IST1: variants seen among roughly 807,000 people sequenced by gnomAD.
The protein encoded by IST1 is IST1 factor associated with ESCRT-III.
Under a neutral mutation model 37.0 loss-of-function variants are expected in IST1, and 23 were observed. That is an observed-to-expected ratio of 0.62 (90% CI 0.45 to 0.88). The LOEUF is 0.88. Among genes scored for constraint, IST1 ranks in the 40% least tolerant of loss-of-function variants. The pLI is 0.00. For missense variants in IST1, 488 were observed against 445.4 expected, an observed-to-expected ratio of 1.10 and a Z score of -0.86; for synonymous variants, 180 against 161.7, an observed-to-expected ratio of 1.11 and a Z score of -0.86.
In IST1 at chr16:71,929,992, G is replaced by A; in HGVS notation, c.*2179G>A. On this transcript the variant is annotated 3_prime_UTR_variant, in exon 10 of 10. Transcript: ENST00000378799. ...ATGTCAGCCCGTCATCTTAGGGGCA[G>A]TTACAGTGGAGCTTTCCCAGTGATA... 1 of 1,489,170 alleles carries A rather than the reference G, an allele frequency of 6.7e-7. No individual in the cohort carries two copies. The allele number at this position is 1,489,170 out of a possible 1,614,324, so 92.2% of individuals were successfully genotyped here.
At chr16:71,903,854 C>T (rs1243887222) in intron 1 of IST1, among the ~76,000 whole-genome samples, 2 of 152,154 alleles carry the variant, frequency 1.3e-5, no homozygotes, top group Non-Finnish European at 2.9e-5. Flanking sequence ...TGTTTGTGTT[C>T]TGTCTGCTAG....
intron 4 of IST1, among the ~76,000 whole-genome samples, chr16:71,917,524 G>C (rs2037490987): frequency 6.6e-6 from 1 of 152,122 alleles, no homozygotes; most frequent in Admixed American, 6.6e-5. Context: ...GTAAGTGCTG[G>C]GGGTAACAGT....
Position 71,915,724 on chromosome 16 carries a change from GAA to G in IST1, c.87_88del (p.Lys29AsnfsTer13). 1 of 1,599,108 alleles carries G rather than the reference GAA, an allele frequency of 6.3e-7. No homozygotes were observed. Among genetic ancestry groups the G allele is most frequent in the East Asian group, 2.2e-5 (1 of 44,804 alleles). ...ATCGCCTTAAACTATTGGAGAAAAA[GAA>G]AAGTGAGTAGTGTACTTTTTTTCCC... The part of the protein sequence containing the change: ...INRLKLLEKK[K>X]TELAQKARKE... On this transcript the variant is annotated frameshift_variant and splice_region_variant, in exon 2 of 10. Coordinates refer to ENST00000378799, the MANE Select transcript of IST1 (RefSeq NM_001270975.2). LOFTEE classifies it high-confidence loss of function.
At chr16:71,901,737 G>C (rs1393552943) in intron 1 of IST1, among the ~76,000 whole-genome samples, 2 of 152,126 alleles carry the variant, frequency 1.3e-5, no homozygotes, top group South Asian at 4.1e-4. Flanking sequence ...AACAAAACTA[G>C]ATTATGTAAA....
In IST1 at chr16:71,923,313, G is replaced by C. The variant is rs150346332; in HGVS notation, c.785G>C (p.Gly262Ala). Reference sequence around the variant, plus strand: ...TCAGATTTCAATGGACTGCCAATGGGGACTTATCAGGCCTTTCCCAATATT... The same window carrying C: ...TCAGATTTCAATGGACTGCCAATGGCGACTTATCAGGCCTTTCCCAATATT... ...GPSDFNGLPM[G>A]TYQAFPNIHP... Residue 262 changes from glycine to alanine, a missense_variant, in exon 8 of 10, where the codon GGG becomes GCG. By Grantham distance (60) the Gly-to-Ala change is moderately conservative. Transcript: ENST00000378799. 6.0e-4 allele frequency: 960 copies of C among 1,611,252 alleles called. No individual in the cohort carries two copies. The highest frequency in any genetic ancestry group is 7.5e-4 in the Non-Finnish European group (885 of 1,177,884).
chr16:71,927,846 G>T lies in IST1; in HGVS notation c.*33G>T, dbSNP rs2037787566. Reference sequence around the variant, plus strand: ...AAACCAGGCAACTTTCACGTTTTGGGAGTTGAGACTGAGCAATTTCTCCTT... The same window carrying T: ...AAACCAGGCAACTTTCACGTTTTGGTAGTTGAGACTGAGCAATTTCTCCTT... On this transcript the variant is annotated 3_prime_UTR_variant, in exon 10 of 10. Transcript: ENST00000378799. 5 of 1,468,972 alleles carry T rather than the reference G, an allele frequency of 3.4e-6. No individual in the cohort carries two copies. The East Asian group carries it at 9.0e-5, about 27-fold the overall frequency. The allele number at this position is 1,468,972 out of a possible 1,614,324, so 91.0% of individuals were successfully genotyped here.
At chr16:71,922,777 C>T (rs1458608492) in intron 7 of IST1, 97 bp downstream of exon 7, 2 of 985,180 alleles carry the variant, frequency 2.0e-6, no homozygotes, top group African/African-American at 1.6e-5. Flanking sequence ...TGTCAGGAGC[C>T]ATTAGCAGTA....
intron 1 of IST1, among the ~76,000 whole-genome samples, chr16:71,900,526 G>C (rs1459657256): frequency 2.0e-5 from 3 of 151,924 alleles, no homozygotes; most frequent in African/African-American, 7.3e-5. Context: ...ACTAGCTCGC[G>C]AAGTCTCAGC....
chr16:71,923,726 CAT>C (rs1478108704), intron 8 of IST1, among the ~76,000 whole-genome samples: 1 of 152,152 alleles, frequency 6.6e-6, no homozygotes, highest in African/African-American at 2.4e-5. Flanking sequence ...GCTAAAGTAT[CAT>C]AATTATTAAA....
intron 1 of IST1, among the ~76,000 whole-genome samples, chr16:71,912,263 A>T (rs532432483): frequency 3.7e-4 from 56 of 151,680 alleles, no homozygotes; most frequent in Non-Finnish European, 5.6e-4. Flanking sequence ...TTTGAGACGG[A>T]ATCTCGCTCT....
At position 71,924,797 on chromosome 16, in the gene IST1, TC is replaced by T; in HGVS notation, c.882del (p.Ser295LeufsTer68). The T allele has an allele frequency of 6.2e-7, 1 of 1,610,156 alleles. No individual in the cohort carries two copies. The highest frequency in any genetic ancestry group is 8.5e-7 in the Non-Finnish European group (1 of 1,176,334). On this transcript the variant is annotated frameshift_variant, in exon 9 of 10. Transcript: ENST00000378799. LOFTEE classifies it high-confidence loss of function. Reference protein sequence around the residue: ...SVDDINADKNISSAQIVGPGP... With the variant: ...SVDDINADKNXSSAQIVGPGP... Reference sequence around the variant, plus strand: ...GATGACATTAATGCTGATAAGAATATCTCTTCTGCACAGATTGTTGGTGAGT... The same window carrying T: ...GATGACATTAATGCTGATAAGAATATTCTTCTGCACAGATTGTTGGTGAGT...
At position 71,923,321 on chromosome 16, in the gene IST1, C is replaced by T. The variant is rs755933219; in HGVS notation, c.793C>T (p.Gln265Ter). ...CAATGGACTGCCAATGGGGACTTAT[C>T]AGGCCTTTCCCAATATTCATCCACC... ...DFNGLPMGTY[Q>*]AFPNIHPPQI... Residue 265 changes from glutamine to a stop codon, truncating the protein, a stop_gained, in exon 8 of 10, where the codon CAG (glutamine) becomes TAG (stop). Transcript: ENST00000378799. LOFTEE classifies it high-confidence loss of function. 2 of 1,612,418 alleles carry T rather than the reference C, an allele frequency of 1.2e-6. No individual in the cohort carries two copies. Among genetic ancestry groups the T allele is most frequent in the African/African-American group, 1.3e-5 (1 of 75,010 alleles).
intron 8 of IST1, among the ~76,000 whole-genome samples, chr16:71,923,703 A>C (rs753802983): frequency 5.3e-5 from 8 of 152,218 alleles, no homozygotes; most frequent in Admixed American, 1.3e-4. Flanking sequence ...CACTGAGCTG[A>C]TACAATCGTG....
chr16:71,927,568 G>A lies in IST1; in HGVS notation c.902-46G>A, dbSNP rs759735068. The A allele has an allele frequency of 3.3e-5, 44 of 1,314,198 alleles. 1 individual carries two copies. In the South Asian group the frequency reaches 5.1e-4, roughly 15 times the overall value. 81.4% of individuals were successfully genotyped at this position (1,314,198 alleles called of 1,614,324 possible). A position where few individuals can be genotyped will look rare whatever the true frequency, so the allele number is the denominator to read the frequency against. On this transcript the variant is annotated intron_variant, in intron 9 of 9. Coordinates refer to ENST00000378799, the MANE Select transcript of IST1 (RefSeq NM_001270975.2). ...ATTTTTACTGCCAAAGGGGATCTGAGTCATTTCTCTGGTATTTGTAACGTT... is the reference window on the plus strand; with the variant it reads ...ATTTTTACTGCCAAAGGGGATCTGAATCATTTCTCTGGTATTTGTAACGTT...
At chr16:71,924,879 T>A in intron 9 of IST1, 62 bp downstream of exon 9, 1 of 1,152,300 alleles carries the variant, frequency 8.7e-7, no homozygotes, top group Non-Finnish European at 1.3e-6. Context: ...GTTTTCTCAT[T>A]ATTGTTCCTC....
intron 6 of IST1, among the ~76,000 whole-genome samples, chr16:71,921,983 A>G (rs938642357): frequency 4.6e-5 from 7 of 152,120 alleles, no homozygotes; most frequent in Non-Finnish European, 1.0e-4. Context: ...TAAAAATACA[A>G]AAAATTAGCT....
At position 71,904,014 on chromosome 16, in the gene IST1, T is replaced by A. The variant is rs149649722; in HGVS notation, c.-16+8425T>A. 1.8e-3 allele frequency among the ~76,000 whole-genome samples: 269 copies of A among 152,336 alleles called. 4 individuals are homozygous for A. The South Asian group carries it at 0.039, about 22-fold the overall frequency. Reference sequence around the variant, plus strand: ...AGGATTGTTGTATCTTCCTGGTGACTTCACCCTTTTATGCTTATGTAATGT... The same window carrying A: ...AGGATTGTTGTATCTTCCTGGTGACATCACCCTTTTATGCTTATGTAATGT... On this transcript the variant is annotated intron_variant, in intron 1 of 9. Coordinates refer to ENST00000378799, the MANE Select transcript of IST1 (RefSeq NM_001270975.2).
At chr16:71,895,510 G>T, upstream of IST1, 1 of 985,784 alleles carries the variant, frequency 1.0e-6, no homozygotes, top group Non-Finnish European at 1.2e-6. Flanking sequence ...CGCTTGTTGT[G>T]CTGAGGCCGA....
chr16:71,902,048 A>G (rs1425968865), intron 1 of IST1, among the ~76,000 whole-genome samples: 2 of 152,240 alleles, frequency 1.3e-5, no homozygotes, highest in African/African-American at 4.8e-5. Flanking sequence ...ATATGGGTCC[A>G]TTGACTGGAA....
Sources: gnomAD v4.1 joint callset for allele counts (sites outside exome capture counted in the v4.1 genomes callset) on GRCh38, gnomAD v4.1.1 for gene constraint, MANE v1.5 for transcripts, NCBI Gene and HGNC (gene_info 2026-07-23, HGNC 2026-07-21) for gene names.